CDH8: variants seen among roughly 807,000 people sequenced by gnomAD.
The protein encoded by CDH8 is cadherin 8.
A neutral mutation model predicts 68.1 loss-of-function variants in CDH8; 17 were observed. The observed-to-expected ratio is 0.25, with a 90% CI of 0.17 to 0.37. CDH8 has a LOEUF of 0.37. Ranked by LOEUF, CDH8 falls within the 10% of genes least tolerant of loss-of-function variation. The pLI is 1.00. For missense variants in CDH8, 763 were observed against 999.3 expected (o/e 0.76, Z 3.19); for synonymous variants, 372 against 365.1 (o/e 1.02, Z -0.21).
intron 4 of CDH8, among the ~76,000 whole-genome samples, chr16:61,838,764 C>G (rs1263437512): frequency 1.3e-5 from 2 of 152,020 alleles, no homozygotes; most frequent in African/African-American, 4.8e-5. Context: ...TCATTTTATG[C>G]AGAGAAAACA....
At chr16:61,820,046 A>G (rs716776) in intron 6 of CDH8, among the ~76,000 whole-genome samples, 31,253 of 152,088 alleles carry the variant, frequency 0.21, 3,529 homozygotes, top group African/African-American at 0.31. Context: ...AAAATGCTGT[A>G]CAGAATTGTT....
At chr16:61,848,719 G>A (rs545467185) in intron 4 of CDH8, among the ~76,000 whole-genome samples, 2 of 151,946 alleles carry the variant, frequency 1.3e-5, no homozygotes, top group South Asian at 2.1e-4. Flanking sequence ...TATATTGAGC[G>A]GACACCTATT....
At chr16:61,775,913 G>A (rs553469709) in intron 8 of CDH8, among the ~76,000 whole-genome samples, 1 of 152,228 alleles carries the variant, frequency 6.6e-6, no homozygotes, top group East Asian at 1.9e-4. Flanking sequence ...GTGTCATGAT[G>A]TAATATGTAG....
intron 3 of CDH8, among the ~76,000 whole-genome samples, chr16:61,859,653 T>C (rs1030250102): frequency 1.3e-5 from 2 of 152,126 alleles, no homozygotes; most frequent in African/African-American, 4.8e-5. Flanking sequence ...GTAATGACAA[T>C]AGAAGTGGAT....
intron 10 of CDH8, among the ~76,000 whole-genome samples, chr16:61,680,147 A>G (rs1019042654): frequency 6.6e-6 from 1 of 151,904 alleles, no homozygotes; most frequent in Non-Finnish European, 1.5e-5. Flanking sequence ...TCCTCACTAC[A>G]TCCTGAGATC....
chr16:61,668,580 T>C (rs1699964895), intron 10 of CDH8, among the ~76,000 whole-genome samples: 1 of 151,554 alleles, frequency 6.6e-6, no homozygotes, highest in Admixed American at 6.6e-5. Flanking sequence ...CTTTTATAAA[T>C]ATCAACAGAT....
intron 5 of CDH8, among the ~76,000 whole-genome samples, chr16:61,823,930 G>A (rs1025667356): frequency 1.3e-5 from 2 of 151,836 alleles, no homozygotes; most frequent in Non-Finnish European, 2.9e-5. Context: ...ACACTGTGAT[G>A]TTTTGATAAA....
chr16:61,665,806 T>TCC (rs1232426989), intron 10 of CDH8, among the ~76,000 whole-genome samples: 13 of 86,060 alleles, frequency 1.5e-4, no homozygotes, highest in Non-Finnish European at 2.1e-4. Context: ...CTTCCTTCCT[T>TCC]TCCCTCCTTC....
chr16:61,883,705 A>G (rs1202331502), intron 3 of CDH8, among the ~76,000 whole-genome samples: 1 of 151,364 alleles, frequency 6.6e-6, no homozygotes, highest in Non-Finnish European at 1.5e-5. Flanking sequence ...CAAAGAACTA[A>G]GAGGTGGATT....
rs575693937 is a variant in CDH8, at chr16:61,973,370, A to G, written c.252+47782T>C. Reference sequence around the variant, plus strand: ...ATGCAGTATGTAATACCTATGACATATGAAATACGTGTTAATCAACTATTT... The same window carrying G: ...ATGCAGTATGTAATACCTATGACATGTGAAATACGTGTTAATCAACTATTT... On this transcript the variant is annotated intron_variant, in intron 2 of 11. Coordinates refer to ENST00000577390, the MANE Select transcript of CDH8 (RefSeq NM_001796.5). 1.0e-4 allele frequency among the ~76,000 whole-genome samples: 16 copies of G among 152,390 alleles called. No individual in the cohort carries two copies. The South Asian group carries it at 3.3e-3, about 32-fold the overall frequency.
intron 4 of CDH8, among the ~76,000 whole-genome samples, chr16:61,847,127 T>C (rs1962823858): frequency 6.6e-6 from 1 of 152,038 alleles, no homozygotes; most frequent in Non-Finnish European, 1.5e-5. Flanking sequence ...AAAAGCCCAT[T>C]TTTCTAACCA....
chr16:61,754,503 GTTTATA>G (rs998991800), intron 8 of CDH8, among the ~76,000 whole-genome samples: 4 of 151,664 alleles, frequency 2.6e-5, no homozygotes, highest in Non-Finnish European at 4.4e-5. Context: ...TTTTTATTTT[GTTTATA>G]TTTATATTAT....
chr16:61,983,240 A>C (rs1021135525), intron 2 of CDH8, among the ~76,000 whole-genome samples: 2 of 152,004 alleles, frequency 1.3e-5, no homozygotes, highest in Non-Finnish European at 2.9e-5. Context: ...TTTTGGCTCA[A>C]CTCTCTTTTT....
chr16:61,970,368 T>A (rs1567550809), intron 2 of CDH8, among the ~76,000 whole-genome samples: 1 of 152,170 alleles, frequency 6.6e-6, no homozygotes, highest in Non-Finnish European at 1.5e-5. Flanking sequence ...AGAGAAAGTT[T>A]CTGTTCATAA....
intron 5 of CDH8, among the ~76,000 whole-genome samples, chr16:61,823,378 G>A (rs1212502979): frequency 6.6e-6 from 1 of 151,652 alleles, no homozygotes; most frequent in South Asian, 2.1e-4. Context: ...AATAGCACCA[G>A]CATGCATCTA....
chr16:61,751,509 C>T (rs1048410431), intron 8 of CDH8, among the ~76,000 whole-genome samples: 4 of 151,308 alleles, frequency 2.6e-5, no homozygotes, highest in African/African-American at 7.3e-5. Context: ...GATAGAAGAC[C>T]GTCCCGTTAC....
Position 61,651,871 on chromosome 16 carries a change from T to C in CDH8, c.*1737A>G, listed in dbSNP as rs1963330438. ...TCACTGGCAAGCCATTTCTCTTCTC[T>C]GTTTCTCTATAATAAAGAGTCTTAC... On this transcript the variant is annotated 3_prime_UTR_variant, in exon 12 of 12. Transcript: ENST00000577390. 6.3e-6 allele frequency: 1 copy of C among 158,130 alleles called. No homozygotes were observed. The highest frequency in any genetic ancestry group is 6.5e-5 in the Admixed American group (1 of 15,274). 9.8% of individuals were successfully genotyped at this position (158,130 alleles called of 1,614,324 possible).
chr16:61,940,303 G>T (rs1341261104), intron 2 of CDH8: 1 of 151,692 alleles, frequency 6.6e-6, no homozygotes, highest in Non-Finnish European at 1.5e-5. Context: ...AAGATAACAC[G>T]ACTGGCTAGA....
chr16:61,990,955 A>AAAAG (rs767523125), intron 2 of CDH8, among the ~76,000 whole-genome samples: 2 of 151,528 alleles, frequency 1.3e-5, no homozygotes, highest in Non-Finnish European at 2.9e-5. Flanking sequence ...AGAGAGAGAA[A>AAAAG]AAAGAAAGAA....
Sources: allele counts gnomAD v4.1 joint callset (sites outside exome capture counted in the v4.1 genomes callset), GRCh38; gene constraint gnomAD v4.1.1; transcripts MANE v1.5; gene names NCBI Gene and HGNC (gene_info 2026-07-23, HGNC 2026-07-21).